The following PIWIL1 variants were observed in gnomAD, a reference collection of about 807,000 sequenced individuals.
The protein encoded by PIWIL1 is piwi-like protein 1.
Under a neutral mutation model 114.4 loss-of-function variants are expected in PIWIL1, and 73 were observed. That is an observed-to-expected ratio of 0.64 (90% confidence interval 0.53 to 0.78). PIWIL1 has a LOEUF of 0.78. Among genes scored for constraint, PIWIL1 ranks in the 30% least tolerant of loss-of-function variants. The pLI is 0.00. For missense variants in PIWIL1, 723 were observed against 1,063.1 expected, an observed-to-expected ratio of 0.68 and a Z score of 4.45; for synonymous variants, 375 against 369.0, an observed-to-expected ratio of 1.02 and a Z score of -0.19.
the PIWIL1 span, chr12:130,399,843 T>TA: frequency 6.2e-7 from 1 of 1,611,930 alleles, no homozygotes; most frequent in Admixed American, 1.7e-5. Context: ...GCAGAAGAAC[T>TA]ATTTATTTTT....
the PIWIL1 span, chr12:130,397,194 T>C: frequency 2.7e-6 from 1 of 374,628 alleles, no homozygotes; most frequent in Non-Finnish European, 4.7e-6. Context: ...ACCGCTCCTC[T>C]TTGTTCTCGT....
At chr12:130,358,543 G>A (rs539423385) in intron 14 of PIWIL1, among the ~76,000 whole-genome samples, 5 of 151,922 alleles carry the variant, frequency 3.3e-5, no homozygotes, top group Admixed American at 2.6e-4. Flanking sequence ...TGTCATGCCC[G>A]GCCCCTCCCT....
chr12:130,344,390 C>T (rs546302692), intron 3 of PIWIL1, among the ~76,000 whole-genome samples: 1 of 152,010 alleles, frequency 6.6e-6, no homozygotes, highest in African/African-American at 2.4e-5. Flanking sequence ...AGGTAGAGCC[C>T]CCTCCAAATC....
chr12:130,345,591 G>A (rs915611425), intron 3 of PIWIL1, 162 bp from the exon 4 acceptor site: 14 of 675,264 alleles, frequency 2.1e-5, no homozygotes, highest in East Asian at 1.1e-4. Context: ...CCATTCTCTC[G>A]TTAGGCTGGC....
chr12:130,354,283 A>C (rs1377131316), intron 9 of PIWIL1, among the ~76,000 whole-genome samples: 1 of 152,194 alleles, frequency 6.6e-6, no homozygotes, highest in Non-Finnish European at 1.5e-5. Context: ...CAAAGTCTGA[A>C]CTCAGAACCA....
At chr12:130,379,264 A>G in the PIWIL1 span, among the ~76,000 whole-genome samples, 200 of 152,328 alleles carry the variant, frequency 1.3e-3, 1 homozygote, top group African/African-American at 4.7e-3. Context: ...TTTAAAATTT[A>G]TTTGGCACAT....
the PIWIL1 span, among the ~76,000 whole-genome samples, chr12:130,409,487 C>T: frequency 2.0e-5 from 3 of 151,920 alleles, no homozygotes; most frequent in African/African-American, 4.8e-5. Context: ...GGACTGCAGG[C>T]GCCCGCCACC....
At chr12:130,386,292 T>C in the PIWIL1 span, among the ~76,000 whole-genome samples, 1 of 152,120 alleles carries the variant, frequency 6.6e-6, no homozygotes, top group African/African-American at 2.4e-5. Context: ...ATTTTCCTTA[T>C]TAATAAGGAA....
Position 130,367,145 on chromosome 12 carries a change from G to T in PIWIL1, c.2208G>T (p.Thr736=), listed in dbSNP as rs780460114. ...CATCATTTTTAAGCCCTAGACTAAC[G>T]GTAATTGTGGTGAAGAAAAGAGTGA... ...SIGRGYNPRL[T]VIVVKKRVNT... is the part of the protein sequence containing the mutation. Residue 736 remains threonine (T), a synonymous_variant, in exon 19 of 21, where the codon ACG becomes ACT. Transcript: ENST00000245255. 4 of 1,613,932 alleles carry T rather than the reference G, an allele frequency of 2.5e-6. No homozygotes were observed.
the PIWIL1 span, among the ~76,000 whole-genome samples, chr12:130,381,606 A>T: frequency 6.6e-6 from 1 of 152,238 alleles, no homozygotes; most frequent in Non-Finnish European, 1.5e-5. Flanking sequence ...GGCAAATATG[A>T]ATAAAACTGC....
At chr12:130,396,871 C>T in the PIWIL1 span, 4 of 152,622 alleles carry the variant, frequency 2.6e-5, no homozygotes, top group Admixed American at 2.0e-4. Flanking sequence ...ACAAAGTATA[C>T]ACTGTTTTTA....
intron 18 of PIWIL1, among the ~76,000 whole-genome samples, chr12:130,363,807 G>T (rs541043782): frequency 1.3e-5 from 2 of 151,824 alleles, no homozygotes; most frequent in East Asian, 1.9e-4. Flanking sequence ...TAGTAGAGAC[G>T]GGGTTTCACC....
intron 7 of PIWIL1, 105 bp downstream of exon 7, chr12:130,348,288 C>T: frequency 3.2e-6 from 2 of 617,342 alleles, no homozygotes; most frequent in South Asian, 2.1e-5. Context: ...ACTGTTAATG[C>T]CGCCCATCAC....
downstream of PIWIL1, among the ~76,000 whole-genome samples, chr12:130,377,243 G>A (rs2132646): frequency 0.55 from 83,797 of 152,070 alleles, 23,830 homozygotes; most frequent in East Asian, 0.85. Context: ...CAGGTTCTCA[G>A]ATATTTATTG....
At chr12:130,353,441 A>T (rs1185748943) in intron 9 of PIWIL1, among the ~76,000 whole-genome samples, 90 of 149,676 alleles carry the variant, frequency 6.0e-4, no homozygotes, top group Non-Finnish European at 1.0e-3. Context: ...TTTTTTTTTT[A>T]AAGCTGGATC....
At chr12:130,375,864 C>T (rs1004084338), downstream of PIWIL1, among the ~76,000 whole-genome samples, 1 of 152,144 alleles carries the variant, frequency 6.6e-6, no homozygotes, top group Admixed American at 6.5e-5. Context: ...ACCTGCTGCA[C>T]GCCTGGCATG....
chr12:130,424,297 C>G, the PIWIL1 span: 1 of 1,231,590 alleles, frequency 8.1e-7, no homozygotes, highest in Non-Finnish European at 1.0e-6. This position sits in a 1 kb window ranked among gnomAD's most constrained non-coding sequence, Gnocchi z 9.8. Context: ...CTCTCCGGGC[C>G]GGGCTGGGGG....
chr12:130,349,564 G>A (rs946428505), intron 8 of PIWIL1, 128 bp downstream of exon 8: 5 of 666,910 alleles, frequency 7.5e-6, no homozygotes, highest in Non-Finnish European at 1.3e-5. Flanking sequence ...AAGGGTGAGG[G>A]TATTTTTCAG....
chr12:130,342,782 GAGATCATGCC>G, intron 2 of PIWIL1, 113 bp downstream of exon 2: 1 of 838,692 alleles, frequency 1.2e-6, no homozygotes, highest in Non-Finnish European at 2.0e-6. Flanking sequence ...GTGAGCAAGG[GAGATCATGCC>G]CTGTTTCCTC....
Sources: gnomAD v4.1 joint callset for allele counts (sites outside exome capture counted in the v4.1 genomes callset) on GRCh38, gnomAD v4.1.1 for gene constraint, Gnocchi (gnomAD v3.1) non-coding constraint, MANE v1.5 for transcripts, NCBI Gene and HGNC (gene_info 2026-07-23, HGNC 2026-07-21) for gene names.